LARP4B: variants seen among roughly 807,000 people sequenced by gnomAD.
LARP4B encodes la-related protein 4B.
A neutral mutation model predicts 89.8 loss-of-function variants in LARP4B; 12 were observed. That is an observed-to-expected ratio of 0.13 (90% CI 0.09 to 0.22). The LOEUF is 0.22. Among genes scored for constraint, LARP4B ranks in the 10% least tolerant of loss-of-function variants. LARP4B has a pLI of 1.00. For synonymous variants in LARP4B, 367 were observed against 363.3 expected, an observed-to-expected ratio of 1.01 and a Z score of -0.12; for missense variants, 757 against 947.7, an observed-to-expected ratio of 0.80 and a Z score of 2.64.
At chr10:952,339 CAAAAAAA>C in the LARP4B span, among the ~76,000 whole-genome samples, 8 of 16,952 alleles carry the variant, frequency 4.7e-4, no homozygotes, top group South Asian at 5.5e-3. Flanking sequence ...GACTCCATCT[CAAAAAAA>C]AAAAAAAAAA....
chr10:890,664 T>A (rs1329579460), intron 1 of LARP4B, among the ~76,000 whole-genome samples: 2 of 152,188 alleles, frequency 1.3e-5, no homozygotes. Flanking sequence ...CAATGAAGAA[T>A]CCCTGGAGCA....
intron 7 of LARP4B, among the ~76,000 whole-genome samples, chr10:837,310 G>A (rs574120269): frequency 6.6e-6 from 1 of 152,124 alleles, no homozygotes; most frequent in Non-Finnish European, 1.5e-5. Context: ...GCAAAACACT[G>A]CCAAAAGAAC....
At chr10:968,824 T>C in the LARP4B span, among the ~76,000 whole-genome samples, 1 of 152,186 alleles carries the variant, frequency 6.6e-6, no homozygotes, top group Non-Finnish European at 1.5e-5. Context: ...AGCAAGCACA[T>C]CCTGGGGAAA....
At chr10:926,673 G>A (rs1475027151) in intron 1 of LARP4B, among the ~76,000 whole-genome samples, 15 of 152,228 alleles carry the variant, frequency 9.9e-5, no homozygotes, top group African/African-American at 3.6e-4. Flanking sequence ...AACACTTTCA[G>A]CAAAGATCAA....
rs1831736261 is a variant in LARP4B, at chr10:811,305, G to T, written c.*1621C>A. On this transcript the variant is annotated 3_prime_UTR_variant, in exon 18 of 18. Transcript: ENST00000316157. Reference sequence around the variant, plus strand: ...TCTGTATCAGAATTTTCTCTGTAGGGTACCTTTTTCATATGTTCTGATTAT... The same window carrying T: ...TCTGTATCAGAATTTTCTCTGTAGGTTACCTTTTTCATATGTTCTGATTAT... 1 of 152,504 alleles carries T rather than the reference G, an allele frequency of 6.6e-6. No homozygotes were observed. Among genetic ancestry groups the T allele is most frequent in the Non-Finnish European group, 1.5e-5 (1 of 68,030 alleles). The allele number at this position is 152,504 out of a possible 1,614,324, so 9.4% of individuals were successfully genotyped here.
the LARP4B span, among the ~76,000 whole-genome samples, chr10:948,913 C>A: frequency 6.6e-6 from 1 of 152,202 alleles, no homozygotes; most frequent in African/African-American, 2.4e-5. Context: ...AAGGCCATCT[C>A]GGTAGCTTCC....
the LARP4B span, among the ~76,000 whole-genome samples, chr10:975,730 A>G: frequency 5.0e-4 from 76 of 152,270 alleles, no homozygotes; most frequent in Non-Finnish European, 1.0e-3. Context: ...GCCTAGTAGA[A>G]GGTAGGCCTG....
intron 3 of LARP4B, among the ~76,000 whole-genome samples, chr10:876,808 A>G (rs1170960355): frequency 1.3e-5 from 2 of 152,168 alleles, no homozygotes; most frequent in South Asian, 2.1e-4. Context: ...GGCTCTCTGC[A>G]GTGGCTCTGC....
intron 8 of LARP4B, among the ~76,000 whole-genome samples, chr10:834,290 G>A (rs1047084641): frequency 6.6e-6 from 1 of 152,108 alleles, no homozygotes; most frequent in Admixed American, 6.6e-5. Flanking sequence ...CTTGACTAAC[G>A]GTAAATTAGG....
rs148105457 is a variant in LARP4B, at chr10:843,691, C to T, written c.510-623G>A. ...TCTAGCCTGGGCGACAAGAGTGAAA[C>T]TCTGACTCAAAAAAAAAGAAAGAAA... is the stretch of plus-strand genomic sequence containing the variant. On this transcript the variant is annotated intron_variant, in intron 6 of 17. Coordinates refer to ENST00000316157, the MANE Select transcript of LARP4B (RefSeq NM_015155.3). 5.6e-3 allele frequency among the ~76,000 whole-genome samples: 845 copies of T among 151,996 alleles called. 8 individuals carry two copies. Among genetic ancestry groups the T allele is most frequent in the African/African-American group, 0.019 (793 of 41,460 alleles).
intron 1 of LARP4B, among the ~76,000 whole-genome samples, chr10:912,554 T>C (rs541754925): frequency 2.3e-4 from 35 of 152,048 alleles, no homozygotes; most frequent in Middle Eastern, 6.8e-3. Flanking sequence ...AGACCACCTA[T>C]CTAACCAGAC....
At chr10:957,808 T>C in the LARP4B span, among the ~76,000 whole-genome samples, 2 of 150,360 alleles carry the variant, frequency 1.3e-5, no homozygotes, top group Non-Finnish European at 3.0e-5. Context: ...TTCTTTTTTT[T>C]TTTTTTTTTT....
chr10:949,366 C>T, the LARP4B span, among the ~76,000 whole-genome samples: 1 of 152,170 alleles, frequency 6.6e-6, no homozygotes, highest in East Asian at 1.9e-4. Context: ...TACCATCTTA[C>T]ATCCCACCAG....
chr10:904,944 AT>A (rs1332449224), intron 1 of LARP4B, among the ~76,000 whole-genome samples: 2 of 152,252 alleles, frequency 1.3e-5, no homozygotes, highest in African/African-American at 4.8e-5. Context: ...TTGCTTTCTG[AT>A]GGTTCAATGT....
At chr10:845,215 T>C (rs1169088088) in intron 5 of LARP4B, among the ~76,000 whole-genome samples, 160 bp from the exon 6 acceptor site, 1 of 152,028 alleles carries the variant, frequency 6.6e-6, no homozygotes, top group Non-Finnish European at 1.5e-5. Context: ...AAAAAGTAAA[T>C]CATGCAAAAA....
At chr10:926,276 G>A (rs1837130750) in intron 1 of LARP4B, among the ~76,000 whole-genome samples, 1 of 152,240 alleles carries the variant, frequency 6.6e-6, no homozygotes, top group Non-Finnish European at 1.5e-5. Context: ...CATAATCTCA[G>A]AAGTTAATGC....
rs557614505 is a variant in LARP4B, at chr10:871,547, C to A, written c.142-7277G>T. On this transcript the variant is annotated intron_variant, in intron 3 of 17. Coordinates refer to ENST00000316157, the MANE Select transcript of LARP4B (RefSeq NM_015155.3). ...TCTGTCCTCTTCTTGGTAAAAGGCA[C>A]TATTTTCAGATTGCAGAGACACCTC... is the stretch of plus-strand genomic sequence containing the variant. 5.9e-5 allele frequency among the ~76,000 whole-genome samples: 9 copies of A among 152,196 alleles called. No individual in the cohort carries two copies. The East Asian group carries it at 1.7e-3, about 29-fold the overall frequency.
At chr10:875,998 A>G (rs1157775228) in intron 3 of LARP4B, among the ~76,000 whole-genome samples, 1 of 152,238 alleles carries the variant, frequency 6.6e-6, no homozygotes, top group Non-Finnish European at 1.5e-5. Context: ...CTCAAGGCAC[A>G]ATTCACCCCA....
chr10:892,830 C>T (rs987051108), intron 1 of LARP4B, among the ~76,000 whole-genome samples: 11 of 151,782 alleles, frequency 7.2e-5, no homozygotes, highest in Non-Finnish European at 1.6e-4. Flanking sequence ...TGAGCCACCG[C>T]GCCCGGCAAA....
Sources: gnomAD v4.1 joint callset for allele counts (sites outside exome capture counted in the v4.1 genomes callset) on GRCh38, gnomAD v4.1.1 for gene constraint, MANE v1.5 for transcripts, NCBI Gene and HGNC (gene_info 2026-07-23, HGNC 2026-07-21) for gene names.